The following SYN3 variants were observed in gnomAD, a reference collection of about 807,000 sequenced individuals.
The protein encoded by SYN3 is synapsin-3.
A neutral mutation model predicts 65.8 loss-of-function variants in SYN3; 35 were observed. The observed-to-expected ratio is 0.53, with a 90% CI of 0.41 to 0.70. The LOEUF (loss-of-function observed/expected upper bound fraction) is 0.70, where lower values mean the gene tolerates loss of function less well. Among genes scored for constraint, SYN3 ranks in the 30% least tolerant of loss-of-function variants. SYN3 has a pLI of 0.00. For synonymous variants in SYN3, 270 were observed against 292.9 expected (o/e 0.92, Z 0.80); for missense variants, 680 against 749.0 (o/e 0.91, Z 1.08).
Position 32,897,612 on chromosome 22 carries a change from C to T in SYN3, c.462-28487G>A, listed in dbSNP as rs138144273. 4.1e-3 allele frequency among the ~76,000 whole-genome samples: 626 copies of T among 152,316 alleles called. 1 individual carries two copies. Among genetic ancestry groups the T allele is most frequent in the Admixed American group, 7.1e-3 (108 of 15,294 alleles). ...CTAGGTTCAGATCCTGACTCAGCCA[C>T]TTCTTAGCTTTATCACCTCAGGCAA... On this transcript the variant is annotated intron_variant, in intron 4 of 13. Transcript: ENST00000358763.
chr22:32,546,693 G>A (rs950680998), intron 7 of SYN3, among the ~76,000 whole-genome samples: 17 of 152,072 alleles, frequency 1.1e-4, no homozygotes, highest in African/African-American at 3.9e-4. Context: ...TTACTGGCTG[G>A]AAATCCCTCC....
At chr22:32,955,198 A>C (rs2051415290) in intron 3 of SYN3, among the ~76,000 whole-genome samples, 1 of 152,074 alleles carries the variant, frequency 6.6e-6, no homozygotes, top group Non-Finnish European at 1.5e-5. Flanking sequence ...GAATACGGCC[A>C]CCTTTGAACC....
chr22:32,861,150 C>T (rs1161785881), intron 6 of SYN3: 1 of 142,628 alleles, frequency 7.0e-6, no homozygotes, highest in Non-Finnish European at 1.5e-5. Context: ...CTTTAGGAAA[C>T]AGAGCTGCCA....
chr22:32,748,668 T>C (rs1037422546), intron 6 of SYN3, among the ~76,000 whole-genome samples: 4 of 152,212 alleles, frequency 2.6e-5, no homozygotes, highest in African/African-American at 9.6e-5. Context: ...GTTTGCTAAG[T>C]GCCCTTGCCA....
intron 7 of SYN3, among the ~76,000 whole-genome samples, chr22:32,573,934 TA>T (rs2058815324): frequency 7.3e-6 from 1 of 137,560 alleles, no homozygotes; most frequent in Non-Finnish European, 1.5e-5. Flanking sequence ...CACGCCCGGC[TA>T]ATTTTTTTTT....
chr22:32,750,913 G>A (rs975532940), intron 6 of SYN3, among the ~76,000 whole-genome samples: 3 of 152,084 alleles, frequency 2.0e-5, no homozygotes, highest in African/African-American at 7.2e-5. Flanking sequence ...CAGGAGTTCA[G>A]TTCTGGAACT....
chr22:33,025,941 C>T (rs1320596990), intron 1 of SYN3, among the ~76,000 whole-genome samples: 1 of 152,132 alleles, frequency 6.6e-6, no homozygotes. Context: ...GCCAAAGAGA[C>T]GTCCCATGTT....
intron 6 of SYN3, among the ~76,000 whole-genome samples, chr22:32,845,543 G>T (rs1198469299): frequency 6.6e-6 from 1 of 151,092 alleles, no homozygotes; most frequent in Non-Finnish European, 1.5e-5. Flanking sequence ...CAGTGGAAGC[G>T]GGAAATAGGA....
intron 4 of SYN3, among the ~76,000 whole-genome samples, chr22:32,870,216 T>C (rs1293687073): frequency 6.6e-6 from 1 of 152,204 alleles, no homozygotes; most frequent in Admixed American, 6.5e-5. Context: ...GCTCATAATT[T>C]TACAATGCAG....
At chr22:32,984,633 A>G (rs747544540) in intron 2 of SYN3, among the ~76,000 whole-genome samples, 2 of 152,218 alleles carry the variant, frequency 1.3e-5, no homozygotes, top group East Asian at 3.9e-4. Context: ...TGGTGGGAAT[A>G]TCCCCTCACT....
chr22:32,678,418 G>C (rs1026245861), intron 6 of SYN3, among the ~76,000 whole-genome samples: 4 of 152,046 alleles, frequency 2.6e-5, no homozygotes, highest in Non-Finnish European at 5.9e-5. Flanking sequence ...GCCACATCCA[G>C]GCAAGGTCCC....
chr22:32,962,471 A>C (rs533743973), intron 3 of SYN3, among the ~76,000 whole-genome samples: 1 of 152,328 alleles, frequency 6.6e-6, no homozygotes, highest in East Asian at 1.9e-4. Context: ...CATTAAATAC[A>C]TGCAGAGAAC....
chr22:33,048,959 T>G (rs187845911), intron 1 of SYN3, among the ~76,000 whole-genome samples: 1 of 152,284 alleles, frequency 6.6e-6, no homozygotes, highest in Admixed American at 6.5e-5. Context: ...GCAGACAACT[T>G]CTTTTTTGAC....
intron 4 of SYN3, among the ~76,000 whole-genome samples, chr22:32,890,198 C>T (rs552037171): frequency 6.6e-6 from 1 of 150,886 alleles, no homozygotes; most frequent in African/African-American, 2.4e-5. Flanking sequence ...CTCACCTCGG[C>T]CTCCCAAGCA....
At chr22:33,008,924 C>CAAAAAAAAAAAAAAAAA (rs201719238) in intron 1 of SYN3, among the ~76,000 whole-genome samples, 2 of 57,066 alleles carry the variant, frequency 3.5e-5, no homozygotes, top group Non-Finnish European at 6.5e-5. Context: ...GACTTTATCT[C>CAAAAAAAAAAAAAAAAA]AAAAAAAAAA....
intron 6 of SYN3, among the ~76,000 whole-genome samples, chr22:32,673,390 C>T (rs113209984): frequency 3.3e-5 from 5 of 152,368 alleles, no homozygotes; most frequent in African/African-American, 9.6e-5. Context: ...ACCCTCCCCA[C>T]TGTGGGTCTT....
At position 32,786,395 on chromosome 22, in the gene SYN3, T is replaced by A. The variant is rs867335009; in HGVS notation, c.711+78520A>T. Among the ~76,000 whole-genome samples, 90 of 152,138 alleles carry A rather than the reference T, an allele frequency of 5.9e-4. 1 individual carries two copies. The highest frequency in any genetic ancestry group is 6.8e-4 in the Non-Finnish European group (46 of 67,972). ...GTCTGCAACTTATTCTTTTTTTTTT[T>A]TTGAGACAGAGTCTCACTCTGTCAC... On this transcript the variant is annotated intron_variant, in intron 6 of 13. Coordinates refer to ENST00000358763, the MANE Select transcript of SYN3 (RefSeq NM_003490.4).
chr22:32,988,226 G>C (rs969862683), intron 2 of SYN3, among the ~76,000 whole-genome samples: 2 of 151,860 alleles, frequency 1.3e-5, no homozygotes, highest in African/African-American at 2.4e-5. Context: ...AGAATTGCTT[G>C]AAACCGGGTG....
intron 7 of SYN3, among the ~76,000 whole-genome samples, chr22:32,557,109 C>T (rs1032756804): frequency 2.6e-5 from 4 of 152,118 alleles, no homozygotes; most frequent in African/African-American, 9.7e-5. Flanking sequence ...AGAGTAAGCT[C>T]GCTATTTAGA....
Sources: gnomAD v4.1 joint callset for allele counts (sites outside exome capture counted in the v4.1 genomes callset) on GRCh38, gnomAD v4.1.1 for gene constraint, MANE v1.5 for transcripts, NCBI Gene and HGNC (gene_info 2026-07-23, HGNC 2026-07-21) for gene names.